The following LRP1B variants were observed in gnomAD, a reference collection of about 807,000 sequenced individuals.
LRP1B encodes low-density lipoprotein receptor-related protein 1B.
Under a neutral mutation model 556.6 loss-of-function variants are expected in LRP1B, and 217 were observed. The ratio of observed to expected loss-of-function variants is 0.39; its 90% CI spans 0.35 to 0.44. The LOEUF (loss-of-function observed/expected upper bound fraction) is 0.44, where lower values mean the gene tolerates loss of function less well. LRP1B is among the 20% of genes least tolerant of loss of function. LRP1B has a pLI of 1.00. For missense variants in LRP1B, 5,053 were observed against 5,620.8 expected (o/e 0.90, Z 3.23); for synonymous variants, 2,047 against 1,865.8 (o/e 1.10, Z -2.50).
chr2:141,575,236 C>G (rs998865280), intron 2 of LRP1B, among the ~76,000 whole-genome samples: 2 of 152,148 alleles, frequency 1.3e-5, no homozygotes, highest in East Asian at 1.9e-4. Flanking sequence ...GTAACCAAAA[C>G]AGCATGGTAT....
intron 3 of LRP1B, among the ~76,000 whole-genome samples, chr2:141,407,339 C>T (rs1175187105): frequency 6.6e-6 from 1 of 152,086 alleles, no homozygotes; most frequent in Admixed American, 6.5e-5. Flanking sequence ...ATGTGATCCT[C>T]ATAGTAAACA....
At chr2:140,435,213 A>C (rs182739465) in intron 66 of LRP1B, among the ~76,000 whole-genome samples, 4 of 152,310 alleles carry the variant, frequency 2.6e-5, no homozygotes, top group African/African-American at 9.6e-5. Flanking sequence ...AAGAGGTAGA[A>C]CTTTTAAATC....
At chr2:141,043,712 C>T (rs1371002972) in intron 11 of LRP1B, among the ~76,000 whole-genome samples, 1 of 151,860 alleles carries the variant, frequency 6.6e-6, no homozygotes, top group African/African-American at 2.4e-5. Context: ...ACAAGTACTG[C>T]ACTAGTGGAA....
At chr2:141,991,705 A>G (rs1013216695) in intron 1 of LRP1B, among the ~76,000 whole-genome samples, 3 of 152,050 alleles carry the variant, frequency 2.0e-5, no homozygotes, top group African/African-American at 7.2e-5. Context: ...AAACTTACAT[A>G]AGGAGGAGGA....
At chr2:140,833,732 CTGG>C (rs1040116352) in intron 31 of LRP1B, among the ~76,000 whole-genome samples, 28 of 152,200 alleles carry the variant, frequency 1.8e-4, no homozygotes, top group African/African-American at 6.7e-4. Flanking sequence ...CTTTCTTTCT[CTGG>C]TAGAACTCTG....
At chr2:140,806,787 T>C (rs1172859953) in intron 32 of LRP1B, among the ~76,000 whole-genome samples, 2 of 152,180 alleles carry the variant, frequency 1.3e-5, no homozygotes, top group East Asian at 1.9e-4. Context: ...ACTAAAAAAG[T>C]ACAAAATACA....
At chr2:141,277,468 G>T (rs1685345668) in intron 3 of LRP1B, among the ~76,000 whole-genome samples, 1 of 152,070 alleles carries the variant, frequency 6.6e-6, no homozygotes, top group South Asian at 2.1e-4. Context: ...TAGTTTAATT[G>T]CTTTCACTTT....
chr2:141,944,740 C>A (rs556868737), intron 1 of LRP1B, among the ~76,000 whole-genome samples: 1 of 152,180 alleles, frequency 6.6e-6, no homozygotes, highest in East Asian at 1.9e-4. Context: ...AATGAGAATA[C>A]AATAAAATAG....
intron 66 of LRP1B, among the ~76,000 whole-genome samples, chr2:140,421,975 T>C (rs1361358000): frequency 6.6e-6 from 1 of 152,254 alleles, no homozygotes; most frequent in Non-Finnish European, 1.5e-5. Context: ...TCAGTGGGTC[T>C]ATATAGTAAA....
intron 41 of LRP1B, among the ~76,000 whole-genome samples, chr2:140,682,675 C>CGTGTGTGTGTGTGTGTGTGT (rs112723393): frequency 6.7e-6 from 1 of 149,434 alleles, no homozygotes; most frequent in African/African-American, 2.5e-5. Context: ...GAGAGTATTG[C>CGTGTGTGTGTGTGTGTGTGT]GTGTGTGTGT....
At chr2:140,810,895 C>A (rs1012225355) in intron 32 of LRP1B, among the ~76,000 whole-genome samples, 1 of 152,092 alleles carries the variant, frequency 6.6e-6, no homozygotes, top group Non-Finnish European at 1.5e-5. Context: ...GCTACCATGA[C>A]TGGCTAATTT....
At chr2:140,726,319 T>TA (rs974007036) in intron 35 of LRP1B, among the ~76,000 whole-genome samples, 1 of 152,054 alleles carries the variant, frequency 6.6e-6, no homozygotes, top group Non-Finnish European at 1.5e-5. Context: ...TTAACTTGCT[T>TA]AAAAAAATAA....
At chr2:140,375,606 C>T (rs1187238499) in intron 68 of LRP1B, among the ~76,000 whole-genome samples, 1 of 151,960 alleles carries the variant, frequency 6.6e-6, no homozygotes, top group Non-Finnish European at 1.5e-5. Flanking sequence ...TTTATATCTC[C>T]TTTCTCTGAA....
At chr2:140,595,356 C>T (rs1397698233) in intron 43 of LRP1B, among the ~76,000 whole-genome samples, 1 of 151,628 alleles carries the variant, frequency 6.6e-6, no homozygotes, top group Non-Finnish European at 1.5e-5. Context: ...AATCTAGGTA[C>T]AAGCACACTA....
chr2:141,656,318 T>G (rs1002298165), intron 2 of LRP1B, among the ~76,000 whole-genome samples: 1 of 152,180 alleles, frequency 6.6e-6, no homozygotes, highest in African/African-American at 2.4e-5. Context: ...TGAGGTGTCC[T>G]TAATTTTCTC....
In LRP1B at chr2:141,029,616, T is replaced by C. The variant is rs528035334; in HGVS notation, c.1790-9514A>G. Among the ~76,000 whole-genome samples the C allele has an allele frequency of 3.3e-5, 5 of 152,212 alleles. No individual in the cohort carries two copies. The South Asian group carries it at 1.0e-3, about 32-fold the overall frequency. On this transcript the variant is annotated intron_variant, in intron 11 of 90. Transcript: ENST00000389484. ...CTCTAGGCCCTGGGATCCGCAGCTG[T>C]GGCACAACTCCCTGCTTGCTCAGCA... is the stretch of plus-strand genomic sequence containing the variant.
In LRP1B at chr2:140,475,300, T is replaced by C. The variant is rs1171697819; in HGVS notation, c.9463A>G (p.Ile3155Val). 1.9e-6 allele frequency: 3 copies of C among 1,608,730 alleles called. No homozygotes were observed. Among genetic ancestry groups the C allele is most frequent in the South Asian group, 2.2e-5 (2 of 90,660 alleles). The part of the protein sequence containing the change: ...YWIDCCEYPH[I>V]GRVGMDGTNQ... ...GTTCCATCCATTCCAACACGGCCAA[T>C]ATGAGGATACTCGCAGCAGTCAATC... is the stretch of plus-strand genomic sequence containing the variant. Residue 3155 changes from isoleucine to valine, a missense_variant, in exon 60 of 91, where the codon ATT becomes GTT. Physicochemically the swap from Ile to Val is conservative, Grantham distance 29. This residue lies in a region of LRP1B where 3,619 missense variants were observed against 3,931.9 expected (regional missense o/e 0.92). Coordinates refer to ENST00000389484, the MANE Select transcript of LRP1B (RefSeq NM_018557.3).
At chr2:140,866,852 A>T (rs1431146503) in intron 27 of LRP1B, among the ~76,000 whole-genome samples, 2 of 152,068 alleles carry the variant, frequency 1.3e-5, no homozygotes, top group African/African-American at 4.8e-5. Context: ...CATGCCAATG[A>T]GTTAGAAGGT....
chr2:141,192,227 A>C (rs1681547026), intron 6 of LRP1B, among the ~76,000 whole-genome samples: 1 of 151,972 alleles, frequency 6.6e-6, no homozygotes, highest in African/African-American at 2.4e-5. Context: ...ACATAAATGC[A>C]TTAGATGGAT....
Sources: gnomAD v4.1 joint callset for allele counts (sites outside exome capture counted in the v4.1 genomes callset) on GRCh38, gnomAD v4.1.1 for gene constraint, gnomAD v4.1.1 regional missense constraint, MANE v1.5 for transcripts, NCBI Gene and HGNC (gene_info 2026-07-23, HGNC 2026-07-21) for gene names.